Variants in PPP2R5C observed in about 807,000 individuals in gnomAD.
The protein encoded by PPP2R5C is protein phosphatase 2 regulatory subunit B'gamma.
A neutral mutation model predicts 68.9 loss-of-function variants in PPP2R5C; 7 were observed. The ratio of observed to expected loss-of-function variants is 0.10; its 90% CI spans 0.06 to 0.19. The LOEUF (loss-of-function observed/expected upper bound fraction) is 0.19, where lower values mean the gene tolerates loss of function less well. Among genes scored for constraint, PPP2R5C ranks in the 10% least tolerant of loss-of-function variants. The pLI is 1.00. For synonymous variants in PPP2R5C, 210 were observed against 222.2 expected, an observed-to-expected ratio of 0.95 and a Z score of 0.49; for missense variants, 348 against 641.3, an observed-to-expected ratio of 0.54 and a Z score of 4.94.
intron 2 of PPP2R5C, among the ~76,000 whole-genome samples, chr14:101,880,026 G>A (rs61995295): frequency 0.011 from 1,709 of 152,292 alleles, 20 homozygotes; most frequent in Non-Finnish European, 0.018. Flanking sequence ...CCCTGTCTGC[G>A]CCGAGTGCCT....
intron 2 of PPP2R5C, among the ~76,000 whole-genome samples, chr14:101,778,262 C>T (rs984514343): frequency 9.9e-5 from 15 of 151,926 alleles, no homozygotes; most frequent in African/African-American, 4.8e-5. Flanking sequence ...ATTTTTTAAT[C>T]GGGTTTTCTT....
At chr14:101,783,580 T>C (rs1422145836) in intron 2 of PPP2R5C, among the ~76,000 whole-genome samples, 1 of 152,050 alleles carries the variant, frequency 6.6e-6, no homozygotes, top group Non-Finnish European at 1.5e-5. Flanking sequence ...CCTTTGGAAC[T>C]GTGCCCGAGG....
intron 3 of PPP2R5C, among the ~76,000 whole-genome samples, chr14:101,801,310 A>G (rs994926731): frequency 6.6e-6 from 1 of 152,202 alleles, no homozygotes; most frequent in South Asian, 2.1e-4. Flanking sequence ...GCATCAAAAT[A>G]TCACATGTCC....
chr14:101,896,143 C>A (rs2045309684), intron 8 of PPP2R5C, among the ~76,000 whole-genome samples: 1 of 152,066 alleles, frequency 6.6e-6, no homozygotes, highest in African/African-American at 2.4e-5. Flanking sequence ...TCTCAGCCTC[C>A]CAAGTAGCTG....
At chr14:101,760,723 G>A (rs2036452059), upstream of PPP2R5C, 4 of 937,956 alleles carry the variant, frequency 4.3e-6, no homozygotes, top group East Asian at 1.3e-4. Context: ...GGAAAGCTGA[G>A]CTGGTGAGGG....
chr14:101,884,423 A>G (rs904762870), intron 5 of PPP2R5C, among the ~76,000 whole-genome samples: 10 of 152,212 alleles, frequency 6.6e-5, no homozygotes, highest in Non-Finnish European at 1.3e-4. Context: ...CCTTCACACC[A>G]GCTTTTTCCT....
chr14:101,823,850 A>G (rs1414923684), intron 1 of PPP2R5C: 2 of 1,199,154 alleles, frequency 1.7e-6, no homozygotes, highest in Non-Finnish European at 1.1e-6. Context: ...AGCTTTTTAC[A>G]GTGGTGTAGA....
At chr14:101,925,175 C>T (rs1401087302) in exon 14 of PPP2R5C, 14 of 1,614,026 alleles carry the variant, frequency 8.7e-6, no homozygotes, top group South Asian at 1.1e-5. Context: ...CGTCCTCTTG[C>T]ACGCCGCAAG....
At position 101,865,233 on chromosome 14, in the gene PPP2R5C, G is replaced by A. The variant is rs147073311; in HGVS notation, c.294+8348G>A. 1.4e-4 allele frequency among the ~76,000 whole-genome samples: 22 copies of A among 152,326 alleles called. No individual in the cohort carries two copies. The East Asian group carries it at 4.3e-3, about 29-fold the overall frequency. On this transcript the variant is annotated intron_variant, in intron 2 of 13. Coordinates refer to ENST00000334743, the Ensembl canonical transcript of PPP2R5C. ...AATTCACTGTTGTTTACACTCACAA[G>A]GGAGTTTACCAGGCAGACACTGGGT...
intron 2 of PPP2R5C, among the ~76,000 whole-genome samples, chr14:101,783,442 A>G (rs946153812): frequency 6.6e-6 from 1 of 151,380 alleles, no homozygotes; most frequent in African/African-American, 2.4e-5. Context: ...TGGGAGCACC[A>G]GGTCACGGTG....
At chr14:101,861,712 G>A (rs2042748453) in intron 2 of PPP2R5C, among the ~76,000 whole-genome samples, 1 of 152,184 alleles carries the variant, frequency 6.6e-6, no homozygotes, top group Non-Finnish European at 1.5e-5. Context: ...GCGCTTGTGG[G>A]ATGGAGCTGC....
intron 11 of PPP2R5C, among the ~76,000 whole-genome samples, chr14:101,910,783 C>G (rs1291477404): frequency 6.6e-6 from 1 of 150,446 alleles, no homozygotes; most frequent in African/African-American, 2.5e-5. Context: ...CTGGCTAACA[C>G]AATGAAACCC....
chr14:101,817,737 T>A (rs896036259), intron 1 of PPP2R5C, among the ~76,000 whole-genome samples: 9 of 129,498 alleles, frequency 6.9e-5, no homozygotes, highest in Middle Eastern at 4.0e-3. Context: ...CTAGGGCATG[T>A]GACTCACTCT....
intron 13 of PPP2R5C, among the ~76,000 whole-genome samples, chr14:101,919,192 G>A (rs956982160): frequency 2.0e-5 from 3 of 152,196 alleles, no homozygotes; most frequent in Admixed American, 1.3e-4. Context: ...CGGCAGCCAC[G>A]GTCATCGGCC....
rs187105343 is a variant in PPP2R5C, at chr14:101,833,072, G to A, written c.94+23036G>A. ...ACACTGGCAGTGATTAGATCTGCCT[G>A]ATTCTTCCCATGTTCCGTCTAGTGA... On this transcript the variant is annotated intron_variant, in intron 1 of 13. Coordinates refer to ENST00000334743, the Ensembl canonical transcript of PPP2R5C. 2.3e-3 allele frequency among the ~76,000 whole-genome samples: 349 copies of A among 152,364 alleles called. 6 individuals carry two copies. The South Asian group carries it at 0.046, about 20-fold the overall frequency.
intron 3 of PPP2R5C, among the ~76,000 whole-genome samples, chr14:101,801,692 C>T (rs1377025866): frequency 6.6e-6 from 1 of 152,192 alleles, no homozygotes; most frequent in Admixed American, 6.5e-5. Flanking sequence ...TGGAAGAATA[C>T]ACCAATCAAT....
At chr14:101,868,906 TTTTGTTTG>T (rs543692887) in intron 2 of PPP2R5C, among the ~76,000 whole-genome samples, 5 of 151,930 alleles carry the variant, frequency 3.3e-5, no homozygotes, top group East Asian at 1.9e-4. Flanking sequence ...TTTCTTTTGG[TTTTGTTTG>T]TTTGTTTGTT....
intron 2 of PPP2R5C, among the ~76,000 whole-genome samples, chr14:101,863,666 G>C (rs141769609): frequency 6.6e-6 from 1 of 152,282 alleles, no homozygotes; most frequent in African/African-American, 2.4e-5. Flanking sequence ...GGAGGCCAAG[G>C]CTGGCGGATC....
intron 2 of PPP2R5C, among the ~76,000 whole-genome samples, chr14:101,774,119 G>A (rs1244981008): frequency 2.6e-5 from 4 of 152,204 alleles, no homozygotes; most frequent in Admixed American, 2.6e-4. Context: ...GAGACCAACT[G>A]GAAGACTTTG....
Sources: allele counts gnomAD v4.1 joint callset (sites outside exome capture counted in the v4.1 genomes callset), GRCh38; gene constraint gnomAD v4.1.1; transcripts MANE v1.5; gene names NCBI Gene and HGNC (gene_info 2026-07-23, HGNC 2026-07-21).